PIK3C3: variants seen among roughly 807,000 people sequenced by gnomAD.
PIK3C3 encodes the protein phosphatidylinositol 3-kinase catalytic subunit type 3, also known as PI3-kinase type 3.
PIK3C3 carries 95 observed loss-of-function variants against 126.1 expected under a neutral mutation model. That is an observed-to-expected ratio of 0.75 (90% CI 0.64 to 0.89). PIK3C3 has a LOEUF of 0.89. Among genes scored for constraint, PIK3C3 ranks in the 40% least tolerant of loss-of-function variants. The pLI is 0.00. For synonymous variants in PIK3C3, 374 were observed against 360.0 expected (o/e 1.04, Z -0.44); for missense variants, 829 against 1,063.2 (o/e 0.78, Z 3.06).
intron 24 of PIK3C3, among the ~76,000 whole-genome samples, chr18:42,077,153 T>G (rs1398629232): frequency 6.6e-6 from 1 of 152,248 alleles, no homozygotes; most frequent in Non-Finnish European, 1.5e-5. Flanking sequence ...GTGCCTATCT[T>G]AAAAATATTG....
chr18:42,006,974 C>T (rs1048945574), intron 10 of PIK3C3, among the ~76,000 whole-genome samples: 3 of 149,510 alleles, frequency 2.0e-5, no homozygotes, highest in African/African-American at 4.9e-5. Context: ...CGCCATTCTA[C>T]GGCCTCAGCC....
At chr18:42,027,779 C>T (rs189537329) in intron 14 of PIK3C3, among the ~76,000 whole-genome samples, 5 of 152,190 alleles carry the variant, frequency 3.3e-5, no homozygotes, top group South Asian at 2.1e-4. Flanking sequence ...CTCAGCCTCC[C>T]GAATAGCTGA....
Position 42,037,691 on chromosome 18 carries a change from G to T in PIK3C3, c.1840-1G>T. On this transcript the variant is annotated splice_acceptor_variant, in intron 16 of 24. Coordinates refer to ENST00000262039, the MANE Select transcript of PIK3C3 (RefSeq NM_002647.4). LOFTEE classifies it high-confidence loss of function. ...TTGAAATCAATATTTTTATTTTCCA[G>T]AGTGCCCTTATGCCTGCACAGTTGT... 1 of 1,599,978 alleles carries T rather than the reference G, an allele frequency of 6.3e-7. No homozygotes were observed. The highest frequency in any genetic ancestry group is 8.5e-7 in the Non-Finnish European group (1 of 1,171,240).
At chr18:42,048,095 C>A (rs1984635849) in intron 20 of PIK3C3, among the ~76,000 whole-genome samples, 1 of 152,176 alleles carries the variant, frequency 6.6e-6, no homozygotes, top group African/African-American at 2.4e-5. Flanking sequence ...TCTAGATACC[C>A]TTTAAGTCCT....
intron 4 of PIK3C3, among the ~76,000 whole-genome samples, chr18:41,973,147 A>G (rs1049951212): frequency 6.6e-6 from 1 of 152,132 alleles, no homozygotes; most frequent in Non-Finnish European, 1.5e-5. Context: ...TTATTATCTT[A>G]CTAGGGAATA....
chr18:42,051,572 G>A (rs989389233), intron 21 of PIK3C3, among the ~76,000 whole-genome samples: 2 of 152,014 alleles, frequency 1.3e-5, no homozygotes, highest in Non-Finnish European at 2.9e-5. Context: ...ACTTGCATGG[G>A]TGATGTCATG....
At chr18:42,020,802 G>GCAAT (rs1242240052) in intron 13 of PIK3C3, 97 bp downstream of exon 13, 4 of 694,010 alleles carry the variant, frequency 5.8e-6, no homozygotes, top group Non-Finnish European at 9.9e-6. Context: ...TAAGATATGA[G>GCAAT]CAATCATCAA....
At chr18:42,014,225 A>G (rs1982966803) in intron 11 of PIK3C3, among the ~76,000 whole-genome samples, 1 of 151,574 alleles carries the variant, frequency 6.6e-6, no homozygotes, top group South Asian at 2.1e-4. Flanking sequence ...AAAAAAAAAA[A>G]AAAAAAGAAA....
At chr18:42,054,290 A>G (rs1984962327) in intron 21 of PIK3C3, among the ~76,000 whole-genome samples, 1 of 149,370 alleles carries the variant, frequency 6.7e-6, no homozygotes, top group East Asian at 2.0e-4. Context: ...GAGTTCCAAA[A>G]CTGAAGAACT....
intron 17 of PIK3C3, among the ~76,000 whole-genome samples, chr18:42,038,080 TA>T (rs1984137209): frequency 6.6e-6 from 1 of 152,178 alleles, no homozygotes; most frequent in Non-Finnish European, 1.5e-5. Context: ...AGGGATTTAG[TA>T]GTTTCCTTCC....
At chr18:42,081,055 G>T in intron 24 of PIK3C3, 68 bp from the exon 25 acceptor site, 3 of 908,994 alleles carry the variant, frequency 3.3e-6, no homozygotes, top group African/African-American at 1.7e-5. Context: ...TAAAACTATA[G>T]ACTATTGTTT....
At position 42,076,131 on chromosome 18, in the gene PIK3C3, T is replaced by TATATATGCAC. The variant is rs1568013636; in HGVS notation, c.2650-4986_2650-4985insGCACATATAT. 6.4e-3 allele frequency among the ~76,000 whole-genome samples: 532 copies of TATATATGCAC among 83,388 alleles called. 16 individuals are homozygous for TATATATGCAC. The highest frequency in any genetic ancestry group is 0.013 in the African/African-American group (168 of 12,818). The allele number at this position is 83,388 out of a possible 152,430, so 54.7% of individuals were successfully genotyped here. A position where few individuals can be genotyped will look rare whatever the true frequency, so the allele number is the denominator to read the frequency against. ...ATATATATATATATATGCGCATATATATATATATATATGCGCATATATATA... is the reference window on the plus strand; with the variant it reads ...ATATATATATATATATGCGCATATATATATATGCACATATATATATATGCGCATATATATA... On this transcript the variant is annotated intron_variant, in intron 24 of 24. Coordinates refer to ENST00000262039, the MANE Select transcript of PIK3C3 (RefSeq NM_002647.4).
At chr18:42,064,102 A>G (rs1453782243) in intron 22 of PIK3C3, among the ~76,000 whole-genome samples, 1 of 152,216 alleles carries the variant, frequency 6.6e-6, no homozygotes, top group Non-Finnish European at 1.5e-5. Flanking sequence ...AGGATTGGTG[A>G]AGAGAAACTG....
chr18:41,990,314 G>T, intron 5 of PIK3C3, 145 bp from the exon 6 acceptor site: 2 of 614,388 alleles, frequency 3.3e-6, no homozygotes, highest in South Asian at 3.8e-5. Flanking sequence ...CACACTACAT[G>T]TATATAATAA....
chr18:42,011,364 T>G, intron 10 of PIK3C3, among the ~76,000 whole-genome samples: 1 of 152,246 alleles, frequency 6.6e-6, no homozygotes, highest in East Asian at 1.9e-4. Flanking sequence ...AGTTTCTACA[T>G]CAGTACTTGT....
chr18:42,022,906 A>G (rs1037780699), intron 13 of PIK3C3, among the ~76,000 whole-genome samples: 2 of 152,126 alleles, frequency 1.3e-5, no homozygotes, highest in Non-Finnish European at 2.9e-5. Flanking sequence ...CTGTGTTCCA[A>G]TCTGAATATT....
chr18:42,063,989 C>T (rs997563047), intron 22 of PIK3C3, among the ~76,000 whole-genome samples: 1 of 152,048 alleles, frequency 6.6e-6, no homozygotes, highest in African/African-American at 2.4e-5. Flanking sequence ...TGGAGAGGTC[C>T]CAGTGGAGAT....
chr18:41,982,422 G>C (rs593689), intron 4 of PIK3C3, among the ~76,000 whole-genome samples: 12,252 of 152,100 alleles, frequency 0.081, 1,617 homozygotes, highest in African/African-American at 0.28. Flanking sequence ...GTTTATACTT[G>C]GATTTTATTT....
At position 41,960,902 on chromosome 18, in the gene PIK3C3, C is replaced by T. The variant is rs1288073717; in HGVS notation, c.258-1587C>T. On this transcript the variant is annotated intron_variant, in intron 2 of 24. Transcript: ENST00000262039. ...GACTACAGGCGCGCACCACCATGCCCGGCTGATTTTTGTATTTTTAGTAGA... is the reference window on the plus strand; with the variant it reads ...GACTACAGGCGCGCACCACCATGCCTGGCTGATTTTTGTATTTTTAGTAGA... 3.3e-5 allele frequency among the ~76,000 whole-genome samples: 5 copies of T among 151,880 alleles called. 1 individual carries two copies. The highest frequency in any genetic ancestry group is 2.0e-4 in the Admixed American group (3 of 15,242).
Sources: allele counts gnomAD v4.1 joint callset (sites outside exome capture counted in the v4.1 genomes callset), GRCh38; gene constraint gnomAD v4.1.1; transcripts MANE v1.5; gene names NCBI Gene and HGNC (gene_info 2026-07-23, HGNC 2026-07-21).